The following GRIN2A variants were observed in gnomAD, a reference collection of about 807,000 sequenced individuals.
The protein encoded by GRIN2A is glutamate ionotropic receptor NMDA type subunit 2A.
Under a neutral mutation model 113.4 loss-of-function variants are expected in GRIN2A, and 22 were observed. That is an observed-to-expected ratio of 0.19 (90% CI 0.14 to 0.28). GRIN2A has a LOEUF of 0.28. Among genes scored for constraint, GRIN2A ranks in the 10% least tolerant of loss-of-function variants. The probability of loss-of-function intolerance (pLI) is 1.00; values close to 1 mark genes in which losing one functional copy is unlikely to be tolerated. For synonymous variants in GRIN2A, 827 were observed against 738.4 expected (o/e 1.12, Z -1.94); for missense variants, 1,502 against 1,887.0 (o/e 0.80, Z 3.78).
At chr16:9,912,824 G>T (rs2044172414) in intron 3 of GRIN2A, among the ~76,000 whole-genome samples, 1 of 152,214 alleles carries the variant, frequency 6.6e-6, no homozygotes, top group Non-Finnish European at 1.5e-5. Flanking sequence ...AGGAACAAAT[G>T]CTATTGAATT....
intron 2 of GRIN2A, among the ~76,000 whole-genome samples, chr16:9,960,173 T>C (rs1303923640): frequency 2.0e-5 from 3 of 152,130 alleles, no homozygotes; most frequent in Non-Finnish European, 2.9e-5. Context: ...CAATCAACAA[T>C]GTCCCATAGT....
intron 2 of GRIN2A, among the ~76,000 whole-genome samples, chr16:10,094,384 A>G (rs370200339): frequency 1.3e-5 from 2 of 152,180 alleles, no homozygotes; most frequent in Non-Finnish European, 2.9e-5. Context: ...GAATGTGGGT[A>G]TACATGAGGG....
rs752295285 is a variant in GRIN2A at position 9,938,138 on chromosome 16, G to A, written c.828C>T (p.Leu276=). 12 of 1,614,040 alleles carry A rather than the reference G, an allele frequency of 7.4e-6. No individual in the cohort carries two copies. The highest frequency in any genetic ancestry group is 1.7e-5 in the Admixed American group (1 of 60,002). Residue 276 remains leucine (L), a synonymous_variant, in exon 3 of 13, where the codon CTC becomes CTT. Transcript: ENST00000330684. ...CCCAGTCATCGTAGGAGACAGAAAT[G>A]AGTCCCGATGGAAACTCTTTTGGGA... ...ELIPKEFPSG[L]ISVSYDDWDY...
intron 2 of GRIN2A, among the ~76,000 whole-genome samples, chr16:10,013,589 G>A (rs1419681256): frequency 6.6e-6 from 1 of 152,102 alleles, no homozygotes; most frequent in Non-Finnish European, 1.5e-5. Context: ...TTCTTCCTGA[G>A]ACCTTCCTGG....
At chr16:9,876,264 A>G (rs1203697548) in intron 4 of GRIN2A, among the ~76,000 whole-genome samples, 1 of 152,164 alleles carries the variant, frequency 6.6e-6, no homozygotes, top group African/African-American at 2.4e-5. Flanking sequence ...AGGCTTGTAA[A>G]TATGTTCTCC....
chr16:9,780,994 CT>C lies in GRIN2A; in HGVS notation c.2357-11906del, dbSNP rs5815547. On this transcript the variant is annotated intron_variant, in intron 11 of 12. Coordinates refer to ENST00000330684, the MANE Select transcript of GRIN2A (RefSeq NM_001134407.3). ...ATTGTTTAAGCCAGAGGTCACTAAT[CT>C]TTTTTTTTTTTTATGGTAAACGGCC... 2.0e-3 allele frequency among the ~76,000 whole-genome samples: 295 copies of C among 145,294 alleles called. 2 individuals carry two copies. The highest frequency in any genetic ancestry group is 0.012 in the Admixed American group (176 of 14,610).
At chr16:10,160,189 C>T (rs1421888333) in intron 2 of GRIN2A, among the ~76,000 whole-genome samples, 1 of 152,214 alleles carries the variant, frequency 6.6e-6, no homozygotes, top group East Asian at 1.9e-4. Context: ...GACCTAGCCC[C>T]TTCTCCTAAC....
intron 2 of GRIN2A, among the ~76,000 whole-genome samples, chr16:10,083,470 C>T (rs945039574): frequency 6.6e-6 from 1 of 152,206 alleles, no homozygotes; most frequent in Non-Finnish European, 1.5e-5. Context: ...GTATAGCTAC[C>T]TGATGCAGTC....
intron 2 of GRIN2A, among the ~76,000 whole-genome samples, chr16:10,131,840 AG>A (rs2049070441): frequency 6.6e-6 from 1 of 152,288 alleles, no homozygotes; most frequent in South Asian, 2.1e-4. Context: ...GTGGCAAAAC[AG>A]GAAGAGTAAT....
At chr16:10,164,121 T>A (rs935076099) in intron 2 of GRIN2A, among the ~76,000 whole-genome samples, 1 of 152,224 alleles carries the variant, frequency 6.6e-6, no homozygotes, top group African/African-American at 2.4e-5. Flanking sequence ...CATTCTTGAG[T>A]GCATGATGGC....
intron 2 of GRIN2A, among the ~76,000 whole-genome samples, chr16:9,955,811 C>A (rs774399390): frequency 2.0e-5 from 3 of 152,184 alleles, no homozygotes; most frequent in Non-Finnish European, 4.4e-5. Context: ...CGAATGAGCT[C>A]CCTGTGTCAC....
intron 2 of GRIN2A, among the ~76,000 whole-genome samples, chr16:10,089,989 C>T (rs1457244915): frequency 6.6e-6 from 1 of 152,068 alleles, no homozygotes; most frequent in Non-Finnish European, 1.5e-5. Flanking sequence ...TTTCCCTAAT[C>T]CCAAGACATA....
intron 2 of GRIN2A, among the ~76,000 whole-genome samples, chr16:10,110,142 T>C (rs138331834): frequency 3.4e-4 from 50 of 149,166 alleles, no homozygotes; most frequent in African/African-American, 9.9e-4. Flanking sequence ...GAATTTTAAA[T>C]AAAAACAGAA....
chr16:9,840,583 T>G (rs994628543), intron 7 of GRIN2A, 64 bp downstream of exon 7: 8 of 1,484,196 alleles, frequency 5.4e-6, no homozygotes, highest in African/African-American at 2.8e-5. Context: ...TCCCATCCTC[T>G]GAGCAAACAA....
chr16:9,944,436 GTCA>G (rs2044967022), intron 2 of GRIN2A, among the ~76,000 whole-genome samples: 2 of 151,872 alleles, frequency 1.3e-5, no homozygotes, highest in South Asian at 4.2e-4. Flanking sequence ...CCCTTCCTCT[GTCA>G]TCATCATCCT....
intron 10 of GRIN2A, among the ~76,000 whole-genome samples, chr16:9,806,564 AAG>A (rs541287104): frequency 5.3e-4 from 80 of 152,216 alleles, no homozygotes; most frequent in African/African-American, 1.8e-3. Context: ...GAGAGGATAG[AAG>A]AGAGGAAGAG....
At chr16:10,026,570 T>C (rs2046826642) in intron 2 of GRIN2A, among the ~76,000 whole-genome samples, 2 of 150,988 alleles carry the variant, frequency 1.3e-5, no homozygotes, top group Non-Finnish European at 2.9e-5. Context: ...GGCATTAGGT[T>C]CATCTCTAAC....
At chr16:10,094,148 C>T (rs1272990789) in intron 2 of GRIN2A, among the ~76,000 whole-genome samples, 1 of 152,082 alleles carries the variant, frequency 6.6e-6, no homozygotes, top group Admixed American at 6.5e-5. Context: ...GAGGAGATAC[C>T]AATAAGGAAA....
chr16:10,176,102 T>G (rs1053576181), intron 2 of GRIN2A, among the ~76,000 whole-genome samples: 1 of 151,740 alleles, frequency 6.6e-6, no homozygotes, highest in Admixed American at 6.6e-5. Flanking sequence ...CCTCCCAGGT[T>G]CATGCAATTC....
Sources: allele counts gnomAD v4.1 joint callset (sites outside exome capture counted in the v4.1 genomes callset), GRCh38; gene constraint gnomAD v4.1.1; transcripts MANE v1.5; gene names NCBI Gene and HGNC (gene_info 2026-07-23, HGNC 2026-07-21).